INPP5A: variants seen among roughly 807,000 people sequenced by gnomAD.
The protein encoded by INPP5A is inositol polyphosphate-5-phosphatase A.
A neutral mutation model predicts 65.2 loss-of-function variants in INPP5A; 14 were observed. The ratio of observed to expected loss-of-function variants is 0.21; its 90% CI spans 0.14 to 0.34. The LOEUF (loss-of-function observed/expected upper bound fraction) is 0.34, where lower values mean the gene tolerates loss of function less well. INPP5A is among the 10% of genes least tolerant of loss of function. The pLI is 1.00. For synonymous variants in INPP5A, 207 were observed against 208.3 expected, an observed-to-expected ratio of 0.99 and a Z score of 0.05; for missense variants, 431 against 545.6, an observed-to-expected ratio of 0.79 and a Z score of 2.09.
intron 2 of INPP5A, among the ~76,000 whole-genome samples, chr10:132,628,478 G>GGGGGGGGGGGGGGGGA (rs2072223165): frequency 7.3e-6 from 1 of 137,036 alleles, no homozygotes; most frequent in Non-Finnish European, 1.6e-5. Context: ...GGGGGGGGGG[G>GGGGGGGGGGGGGGGGA]CGTGGCGTGG....
intron 4 of INPP5A, among the ~76,000 whole-genome samples, chr10:132,666,726 T>C (rs2072810047): frequency 6.6e-6 from 1 of 152,216 alleles, no homozygotes; most frequent in Non-Finnish European, 1.5e-5. Context: ...GGTTGTCAAT[T>C]TTTATTGCTG....
chr10:132,738,662 C>T (rs992141266), intron 9 of INPP5A, among the ~76,000 whole-genome samples: 8 of 152,234 alleles, frequency 5.3e-5, no homozygotes, highest in African/African-American at 1.7e-4. Context: ...CCATTCCATG[C>T]GCGCTGTGTC....
At chr10:132,552,796 GGGAGGACT>G (rs1174100836) in intron 1 of INPP5A, among the ~76,000 whole-genome samples, 2 of 148,028 alleles carry the variant, frequency 1.4e-5, no homozygotes, top group Non-Finnish European at 1.5e-5. Flanking sequence ...AGGATAGGGA[GGGAGGACT>G]GGTGAACGCC....
At chr10:132,548,649 C>T (rs2071009611) in intron 1 of INPP5A, among the ~76,000 whole-genome samples, 1 of 152,216 alleles carries the variant, frequency 6.6e-6, no homozygotes, top group South Asian at 2.1e-4. Flanking sequence ...TGCTTTCTGT[C>T]CCGCCAGTTT....
intron 8 of INPP5A, among the ~76,000 whole-genome samples, chr10:132,715,111 T>C (rs1228956351): frequency 2.0e-5 from 3 of 152,304 alleles, no homozygotes; most frequent in Non-Finnish European, 2.9e-5. Flanking sequence ...AGGTCAGCCC[T>C]TGGGGGGCAT....
At position 132,651,526 on chromosome 10, in the gene INPP5A, G is replaced by A. The variant is rs980627113; in HGVS notation, c.306+1021G>A. The stretch of plus-strand genomic sequence containing the variant: ...CCCCCGGCCTGGTTCCATCTCCCCC[G>A]TCTCTGGAGAGGCCCTGCATCCTTC... On this transcript the variant is annotated intron_variant, in intron 4 of 15. Coordinates refer to ENST00000368594, the MANE Select transcript of INPP5A (RefSeq NM_005539.5). The surrounding 1 kb of genome is among the most constrained non-coding windows in gnomAD (Gnocchi z 5.0). Among the ~76,000 whole-genome samples, 8 of 151,882 alleles carry A rather than the reference G, an allele frequency of 5.3e-5. No homozygotes were observed. The highest frequency in any genetic ancestry group is 9.7e-5 in the African/African-American group (4 of 41,344).
chr10:132,741,451 C>T lies in INPP5A; in HGVS notation c.733-8066C>T, dbSNP rs1052815947. ...ATCTGTGCCAGGAAAGTTAGAGCTTCCTCATCCTTGGAACCCCAGCCTGCA... is the reference window on the plus strand; with the variant it reads ...ATCTGTGCCAGGAAAGTTAGAGCTTTCTCATCCTTGGAACCCCAGCCTGCA... On this transcript the variant is annotated intron_variant, in intron 9 of 15. Coordinates refer to ENST00000368594, the MANE Select transcript of INPP5A (RefSeq NM_005539.5). The surrounding 1 kb of genome is among the most constrained non-coding windows in gnomAD (Gnocchi z 4.4). Among the ~76,000 whole-genome samples, 1 of 152,200 alleles carries T rather than the reference C, an allele frequency of 6.6e-6. No homozygotes were observed. The highest frequency in any genetic ancestry group is 1.5e-5 in the Non-Finnish European group (1 of 68,044).
At chr10:132,625,384 T>C (rs1564939046) in intron 2 of INPP5A, among the ~76,000 whole-genome samples, 1 of 151,964 alleles carries the variant, frequency 6.6e-6, no homozygotes. Flanking sequence ...ATGCCTGGGC[T>C]AGGGAGGGAG....
intron 1 of INPP5A, among the ~76,000 whole-genome samples, chr10:132,594,148 A>G (rs1396965033): frequency 6.6e-6 from 1 of 152,156 alleles, no homozygotes; most frequent in African/African-American, 2.4e-5. Context: ...CATCCTGTTT[A>G]TATGCCAATG....
rs1252568620 is a variant in INPP5A at position 132,606,348 on chromosome 10, A to AGCG, written c.76-1566_76-1565insCGG. Among the ~76,000 whole-genome samples, 1,444 of 151,796 alleles carry AGCG rather than the reference A, an allele frequency of 9.5e-3. 24 individuals are homozygous for AGCG. The highest frequency in any genetic ancestry group is 0.024 in the Admixed American group (367 of 15,280). On this transcript the variant is annotated intron_variant, in intron 1 of 15. Transcript: ENST00000368594. Reference sequence around the variant, plus strand: ...CCTGCCGGGTCCTCAGTGGCGGGACAGTGGCGTGGGCTGATGGCCTCCCCT... The same window carrying AGCG: ...CCTGCCGGGTCCTCAGTGGCGGGACAGCGGTGGCGTGGGCTGATGGCCTCCCCT...
intron 2 of INPP5A, among the ~76,000 whole-genome samples, chr10:132,629,625 G>A (rs995741862): frequency 5.9e-5 from 9 of 152,250 alleles, no homozygotes; most frequent in East Asian, 1.9e-4. Context: ...TTGCTGCTGC[G>A]TGGTTTGGCC....
At chr10:132,640,585 G>A (rs570835111) in intron 2 of INPP5A, among the ~76,000 whole-genome samples, 9 of 152,244 alleles carry the variant, frequency 5.9e-5, no homozygotes, top group Admixed American at 2.6e-4. Context: ...GACTCCCGGC[G>A]CTGCCTGTCT....
At chr10:132,757,263 TCCCGCTCACCCCCG>T (rs1846639849) in intron 11 of INPP5A, among the ~76,000 whole-genome samples, 1 of 152,194 alleles carries the variant, frequency 6.6e-6, no homozygotes, top group African/African-American at 2.4e-5. Context: ...TCCCAGGCCT[TCCCGCTCACCCCCG>T]CCCGCTCACC....
At chr10:132,729,279 C>T (rs1846040517) in intron 9 of INPP5A, among the ~76,000 whole-genome samples, 3 of 152,220 alleles carry the variant, frequency 2.0e-5, no homozygotes, top group Non-Finnish European at 2.9e-5. Flanking sequence ...CACATCTTCT[C>T]CTGCATCACC....
In INPP5A at chr10:132,616,954, G is replaced by A. The variant is rs1273061985; in HGVS notation, c.117+8998G>A. Among the ~76,000 whole-genome samples, 2 of 152,070 alleles carry A rather than the reference G, an allele frequency of 1.3e-5. No individual in the cohort carries two copies. The highest frequency in any genetic ancestry group is 3.9e-4 in the East Asian group (2 of 5,184). On this transcript the variant is annotated intron_variant, in intron 2 of 15. Transcript: ENST00000368594. This position sits in a 1 kb window ranked among gnomAD's most constrained non-coding sequence, Gnocchi z 4.9. ...TTTGCTGCGCTGGTGGGGAGAGGCC[G>A]CCTGAGGTCCTTCGAAGCAGCCTGG...
chr10:132,549,837 A>G lies in INPP5A; in HGVS notation c.75+11666A>G, dbSNP rs1398057842. On this transcript the variant is annotated intron_variant, in intron 1 of 15. Transcript: ENST00000368594. The surrounding 1 kb of genome is among the most constrained non-coding windows in gnomAD (Gnocchi z 4.9). Reference sequence around the variant, plus strand: ...ACAGGATTGGTGTGACGTCTGAGTCACTGTGCCTTAGAGTACGGAGTCAGC... The same window carrying G: ...ACAGGATTGGTGTGACGTCTGAGTCGCTGTGCCTTAGAGTACGGAGTCAGC... Among the ~76,000 whole-genome samples the G allele has an allele frequency of 1.3e-5, 2 of 152,226 alleles. No homozygotes were observed. Among genetic ancestry groups the G allele is most frequent in the African/African-American group, 4.8e-5 (2 of 41,468 alleles).
At position 132,780,861 on chromosome 10, in the gene INPP5A, GAGA is replaced by G; in HGVS notation, c.1105_1107del (p.Lys369del). 6.2e-7 allele frequency: 1 copy of G among 1,612,692 alleles called. No homozygotes were observed. Among genetic ancestry groups the G allele is most frequent in the Non-Finnish European group, 8.5e-7 (1 of 1,179,526 alleles). On this transcript the variant is annotated inframe_deletion, in exon 14 of 16. Coordinates refer to ENST00000368594, the MANE Select transcript of INPP5A (RefSeq NM_005539.5). The stretch of plus-strand genomic sequence containing the variant: ...TTCCCCTTTCCAGTCGGAGAGCGAG[GAGA>G]AGGTTGTCACCTATGACCACATTGG...
chr10:132,752,938 C>G (rs1846522773), intron 11 of INPP5A, among the ~76,000 whole-genome samples: 1 of 152,242 alleles, frequency 6.6e-6, no homozygotes, highest in South Asian at 2.1e-4. Context: ...GTTGAAGCCA[C>G]GTGAGGCACC....
At chr10:132,721,029 G>A (rs1156640104) in intron 8 of INPP5A, among the ~76,000 whole-genome samples, 1 of 151,028 alleles carries the variant, frequency 6.6e-6, no homozygotes, top group East Asian at 2.0e-4. Context: ...AGGGTTCTGT[G>A]GTACCTGGGT....
Sources: allele counts gnomAD v4.1 joint callset (sites outside exome capture counted in the v4.1 genomes callset), GRCh38; gene constraint gnomAD v4.1.1; non-coding constraint Gnocchi (gnomAD v3.1); transcripts MANE v1.5; gene names NCBI Gene and HGNC (gene_info 2026-07-23, HGNC 2026-07-21).